The following KCNJ3 variants were observed in gnomAD, a reference collection of about 807,000 sequenced individuals.
The protein encoded by KCNJ3 is G protein-activated inward rectifier potassium channel 1.
In KCNJ3, 4 loss-of-function variants were observed where a neutral mutation model predicts 39.2. That is an observed-to-expected ratio of 0.10 (90% CI 0.05 to 0.23). KCNJ3 has a LOEUF of 0.23. Among genes scored for constraint, KCNJ3 ranks in the 10% least tolerant of loss-of-function variants. KCNJ3 has a pLI of 1.00. For synonymous variants in KCNJ3, 230 were observed against 237.4 expected (o/e 0.97, Z 0.29); for missense variants, 276 against 634.9 (o/e 0.43, Z 6.08).
intron 2 of KCNJ3, among the ~76,000 whole-genome samples, chr2:154,841,726 G>GTGTT (rs973731993): frequency 2.0e-5 from 3 of 152,068 alleles, no homozygotes; most frequent in African/African-American, 7.2e-5. Flanking sequence ...TTGCATAGAG[G>GTGTT]TGTTTATAGT....
At chr2:154,725,361 C>CA (rs1553454991) in intron 2 of KCNJ3, among the ~76,000 whole-genome samples, 1 of 143,114 alleles carries the variant, frequency 7.0e-6, no homozygotes, top group African/African-American at 2.6e-5. Context: ...TGAAAGTTTG[C>CA]TTTTTTTTTT....
intron 2 of KCNJ3, among the ~76,000 whole-genome samples, chr2:154,815,227 C>T (rs1455014056): frequency 2.6e-5 from 4 of 151,998 alleles, no homozygotes; most frequent in Non-Finnish European, 5.9e-5. Flanking sequence ...GCCTTCTCAA[C>T]TTCTTCAATA....
chr2:154,802,600 T>C (rs1409096882), intron 2 of KCNJ3, among the ~76,000 whole-genome samples: 1 of 152,210 alleles, frequency 6.6e-6, no homozygotes, highest in Non-Finnish European at 1.5e-5. Flanking sequence ...ATGATACATA[T>C]GCATAACTAC....
chr2:154,709,316 G>T (rs930272707), intron 1 of KCNJ3: 1 of 440,986 alleles, frequency 2.3e-6, no homozygotes, highest in Non-Finnish European at 4.2e-6. Context: ...CAGTTCCACA[G>T]TTTGTGCTAA....
At chr2:154,795,581 T>C (rs1686707831) in intron 2 of KCNJ3, among the ~76,000 whole-genome samples, 1 of 152,070 alleles carries the variant, frequency 6.6e-6, no homozygotes, top group Non-Finnish European at 1.5e-5. Context: ...AATGGAATTT[T>C]CAAGTCTTTA....
At chr2:154,771,692 A>C (rs1686244728) in intron 2 of KCNJ3, among the ~76,000 whole-genome samples, 1 of 152,150 alleles carries the variant, frequency 6.6e-6, no homozygotes, top group Admixed American at 6.5e-5. Context: ...ACATGGCTAG[A>C]ATGTTTTAAG....
rs191273661 is a variant in KCNJ3, at chr2:154,751,597, A to G, written c.919+41778A>G. ...CTGAAAGGTTAAAGCAGTCTCTCAT[A>G]ATATGTAATACAATTAAATAATTAT... is the stretch of plus-strand genomic sequence containing the variant. On this transcript the variant is annotated intron_variant, in intron 2 of 2. Transcript: ENST00000295101. 9.9e-5 allele frequency among the ~76,000 whole-genome samples: 15 copies of G among 152,224 alleles called. No individual in the cohort carries two copies. In the East Asian group the frequency reaches 2.5e-3, roughly 25 times the overall value.
intron 2 of KCNJ3, among the ~76,000 whole-genome samples, chr2:154,844,434 T>G (rs1292370706): frequency 6.6e-6 from 1 of 152,222 alleles, no homozygotes; most frequent in Non-Finnish European, 1.5e-5. Context: ...AGTCTGTCCA[T>G]TCTCAGAGCT....
chr2:154,709,417 GT>G (rs1401119653), intron 1 of KCNJ3, 185 bp from the exon 2 acceptor site: 3 of 607,878 alleles, frequency 4.9e-6, no homozygotes, highest in Non-Finnish European at 8.8e-6. Flanking sequence ...ATGCATGTAT[GT>G]TCCGCATGAG....
rs1214926386 is a variant in KCNJ3 at position 154,855,987 on chromosome 2, A to G, written c.*674A>G. ...TGTTTAAGGTCTTGGGAGGCTTTCA[A>G]TTGTATTTTATATGAGAGAATCACA... On this transcript the variant is annotated 3_prime_UTR_variant, in exon 3 of 3. Transcript: ENST00000295101. 2 of 152,474 alleles carry G rather than the reference A, an allele frequency of 1.3e-5. No homozygotes were observed. The highest frequency in any genetic ancestry group is 2.9e-5 in the Non-Finnish European group (2 of 67,972). 9.4% of individuals were successfully genotyped at this position (152,474 alleles called of 1,614,324 possible).
Position 154,855,199 on chromosome 2 carries a change from C to A in KCNJ3, c.1392C>A (p.Ser464Arg). ...CCAAGATGTTATCTGATCCCATGAGCCAGTCTGTGGCTGATTTGCCACCAA... is the reference window on the plus strand; with the variant it reads ...CCAAGATGTTATCTGATCCCATGAGACAGTCTGTGGCTGATTTGCCACCAA... Reference protein sequence around the residue: ...KTTKMLSDPMSQSVADLPPKL... With the variant: ...KTTKMLSDPMRQSVADLPPKL... The change falls in exon 3 of 3, where the codon AGC becomes AGA. Residue 464 changes from serine (S) to arginine (R), a missense_variant. Ser to Arg is a moderately radical substitution (Grantham distance 110). Transcript: ENST00000295101. 6.2e-7 allele frequency: 1 copy of A among 1,613,712 alleles called. No individual in the cohort carries two copies. Among genetic ancestry groups the A allele is most frequent in the Non-Finnish European group, 8.5e-7 (1 of 1,179,852 alleles).
intron 1 of KCNJ3, among the ~76,000 whole-genome samples, chr2:154,706,602 A>G (rs1685015454): frequency 6.6e-6 from 1 of 151,824 alleles, no homozygotes; most frequent in Non-Finnish European, 1.5e-5. Flanking sequence ...ACTTTCTCTC[A>G]CTCCTTTTAC....
At chr2:154,812,092 A>G (rs961088843) in intron 2 of KCNJ3, among the ~76,000 whole-genome samples, 1 of 152,198 alleles carries the variant, frequency 6.6e-6, no homozygotes, top group Non-Finnish European at 1.5e-5. Context: ...CTTGAAAATA[A>G]ATGTTTAAGA....
At chr2:154,812,170 G>A (rs1330776949) in intron 2 of KCNJ3, among the ~76,000 whole-genome samples, 1 of 152,148 alleles carries the variant, frequency 6.6e-6, no homozygotes, top group East Asian at 1.9e-4. Context: ...AATGCTTACT[G>A]AGTGATTATT....
At chr2:154,834,278 TCTGATGA>T (rs1687412115) in intron 2 of KCNJ3, among the ~76,000 whole-genome samples, 1 of 152,186 alleles carries the variant, frequency 6.6e-6, no homozygotes, top group South Asian at 2.1e-4. Context: ...TTTGCAATTT[TCTGATGA>T]CATATGATGT....
chr2:154,755,712 CTAA>C (rs1278006202), intron 2 of KCNJ3, among the ~76,000 whole-genome samples: 5 of 151,634 alleles, frequency 3.3e-5, no homozygotes, highest in Admixed American at 6.6e-5. Flanking sequence ...CGAATGCAAA[CTAA>C]TATGTTCTTT....
intron 2 of KCNJ3, among the ~76,000 whole-genome samples, chr2:154,788,948 T>C (rs776418184): frequency 2.6e-4 from 40 of 152,104 alleles, no homozygotes; most frequent in Admixed American, 2.6e-4. Flanking sequence ...AAAAGCCGTG[T>C]TATCTGTTCT....
At chr2:154,794,779 A>T (rs890593876) in intron 2 of KCNJ3, among the ~76,000 whole-genome samples, 1 of 152,032 alleles carries the variant, frequency 6.6e-6, no homozygotes, top group African/African-American at 2.4e-5. Flanking sequence ...TTTCAATCAA[A>T]GATAGTTTAG....
intron 2 of KCNJ3, among the ~76,000 whole-genome samples, chr2:154,841,130 G>GT (rs1687568141): frequency 6.6e-6 from 1 of 152,134 alleles, no homozygotes; most frequent in Non-Finnish European, 1.5e-5. Context: ...TTTATTGAGA[G>GT]TTTTTAACAT....
Sources: allele counts gnomAD v4.1 joint callset (sites outside exome capture counted in the v4.1 genomes callset), GRCh38; gene constraint gnomAD v4.1.1; transcripts MANE v1.5; gene names NCBI Gene and HGNC (gene_info 2026-07-23, HGNC 2026-07-21).